ERBIN: variants seen among roughly 807,000 people sequenced by gnomAD.
ERBIN encodes densin-180-like protein.
In ERBIN, 60 loss-of-function variants were observed where a neutral mutation model predicts 158.4. That is an observed-to-expected ratio of 0.38 (90% CI 0.31 to 0.47). ERBIN has a LOEUF of 0.47. Among genes scored for constraint, ERBIN ranks in the 20% least tolerant of loss-of-function variants. ERBIN has a pLI of 0.99. For synonymous variants in ERBIN, 594 were observed against 557.2 expected (o/e 1.07, Z -0.93); for missense variants, 1,610 against 1,648.0 (o/e 0.98, Z 0.40).
At chr5:66,064,973 T>A (rs1760832412) in intron 21 of ERBIN, among the ~76,000 whole-genome samples, 1 of 152,228 alleles carries the variant, frequency 6.6e-6, no homozygotes, top group South Asian at 2.1e-4. Context: ...GTGCTGTGAT[T>A]ACAGATGTGA....
intron 24 of ERBIN, 104 bp from the exon 25 acceptor site, chr5:66,076,771 A>G (rs1762018020): frequency 2.5e-6 from 2 of 804,366 alleles, no homozygotes; most frequent in African/African-American, 1.8e-5. Flanking sequence ...GAAAACTTGT[A>G]CCATGATTCA....
chr5:65,969,472 A>G (rs1330997975), intron 1 of ERBIN, among the ~76,000 whole-genome samples: 1 of 152,222 alleles, frequency 6.6e-6, no homozygotes, highest in African/African-American at 2.4e-5. Flanking sequence ...GTTTTTTAAC[A>G]TAAAGAATCT....
chr5:65,944,307 A>G (rs1380007407), intron 1 of ERBIN, among the ~76,000 whole-genome samples: 1 of 149,314 alleles, frequency 6.7e-6, no homozygotes, highest in African/African-American at 2.5e-5. Context: ...CAGTTTCTCT[A>G]CATCCTCACC....
intron 4 of ERBIN, 24 bp downstream of exon 4, chr5:65,994,888 T>G (rs1377567096): frequency 7.1e-7 from 1 of 1,400,308 alleles, no homozygotes; most frequent in African/African-American, 1.4e-5. Context: ...TGCCCATAAT[T>G]TTTTGTACTT....
intron 1 of ERBIN, among the ~76,000 whole-genome samples, chr5:65,955,419 C>T (rs1343171864): frequency 6.6e-6 from 1 of 152,134 alleles, no homozygotes; most frequent in Non-Finnish European, 1.5e-5. Flanking sequence ...CACTTGAGGT[C>T]AGGAGTTCAA....
rs572563945 is a variant in ERBIN, at chr5:66,004,400, G to A, written c.308-7649G>A. ...TGTGCGTGTGTGTGTGCGCGCGCGT[G>A]CGTGTGTGTATGTGTGAGTTGAGAC... On this transcript the variant is annotated intron_variant, in intron 4 of 25. Coordinates refer to ENST00000284037, the MANE Select transcript of ERBIN (RefSeq NM_001253697.2). Among the ~76,000 whole-genome samples the A allele has an allele frequency of 9.9e-5, 15 of 150,898 alleles. No homozygotes were observed. The East Asian group carries it at 2.5e-3, about 25-fold the overall frequency.
At chr5:65,952,593 C>A (rs980744674) in intron 1 of ERBIN, among the ~76,000 whole-genome samples, 3 of 151,720 alleles carry the variant, frequency 2.0e-5, no homozygotes, top group African/African-American at 4.8e-5. Flanking sequence ...ACTGTTTAAA[C>A]TTTGAGATAC....
At chr5:65,956,107 G>A (rs1319639972) in intron 1 of ERBIN, among the ~76,000 whole-genome samples, 2 of 152,244 alleles carry the variant, frequency 1.3e-5, no homozygotes, top group East Asian at 3.9e-4. Flanking sequence ...CCACTGTATA[G>A]CAAGAAGAGT....
intron 14 of ERBIN, among the ~76,000 whole-genome samples, chr5:66,033,433 G>T (rs1231337376): frequency 1.3e-5 from 2 of 152,284 alleles, no homozygotes; most frequent in African/African-American, 4.8e-5. Flanking sequence ...CATAGAAGTA[G>T]AAGGAGAACT....
At chr5:65,940,472 T>G (rs1371857264) in intron 1 of ERBIN, among the ~76,000 whole-genome samples, 81 of 44,438 alleles carry the variant, frequency 1.8e-3, no homozygotes, top group Admixed American at 2.8e-3. Flanking sequence ...GGTGGGGGGG[T>G]CAGTCCCCCC....
intron 3 of ERBIN, among the ~76,000 whole-genome samples, chr5:65,993,576 G>C (rs1013012922): frequency 7.3e-5 from 11 of 151,590 alleles, no homozygotes; most frequent in Non-Finnish European, 1.2e-4. Context: ...TCCTATACCA[G>C]TTAAATTGCT....
At position 66,048,541 on chromosome 5, in the gene ERBIN, G is replaced by A. The variant is rs369718594; in HGVS notation, c.1789-126G>A. On this transcript the variant is annotated intron_variant, in intron 18 of 25. Coordinates refer to ENST00000284037, the MANE Select transcript of ERBIN (RefSeq NM_001253697.2). ...AAGGACTGGTTGTTATTTTATTGCC[G>A]TATCTTGAAAAGGTTTAATATGTGT... The A allele has an allele frequency of 3.3e-4, 204 of 627,332 alleles. 2 individuals carry two copies. Among genetic ancestry groups the A allele is most frequent in the South Asian group, 2.2e-3 (112 of 51,230 alleles). The allele number at this position is 627,332 out of a possible 1,614,324, so 38.9% of individuals were successfully genotyped here. A position where few individuals can be genotyped will look rare whatever the true frequency, so the allele number is the denominator to read the frequency against.
chr5:66,044,833 T>TAGGGATGG (rs1218666770), intron 17 of ERBIN, among the ~76,000 whole-genome samples: 107 of 151,926 alleles, frequency 7.0e-4, no homozygotes, highest in African/African-American at 2.6e-3. Flanking sequence ...TCCCAGCACT[T>TAGGGATGG]TGGGAGGCCG....
intron 2 of ERBIN, among the ~76,000 whole-genome samples, chr5:65,990,541 G>T (rs749663617): frequency 7.1e-5 from 10 of 139,906 alleles, no homozygotes; most frequent in Non-Finnish European, 7.4e-5. Context: ...ATGGTGGCGG[G>T]CAGCTACTCG....
At position 66,050,943 on chromosome 5, in the gene ERBIN, T is replaced by C. The variant is rs1561426632; in HGVS notation, c.2064T>C (p.His688=). The C allele has an allele frequency of 1.2e-6, 2 of 1,603,648 alleles. No individual in the cohort carries two copies. The highest frequency in any genetic ancestry group is 1.7e-6 in the Non-Finnish European group (2 of 1,177,192). Residue 688 remains histidine, a synonymous_variant, in exon 20 of 26, where the codon CAT becomes CAC. Transcript: ENST00000284037. Reference sequence around the variant, plus strand: ...TCTGCTCTCCAGTGAAACAAACTCATATTGATATTAATTCCAAAATCAGGT... The same window carrying C: ...TCTGCTCTCCAGTGAAACAAACTCACATTGATATTAATTCCAAAATCAGGT... The part of the protein sequence containing the change: ...TSLCSPVKQT[H]IDINSKIRQE...
At chr5:65,974,362 A>G (rs1409843240) in intron 1 of ERBIN, among the ~76,000 whole-genome samples, 1 of 152,234 alleles carries the variant, frequency 6.6e-6, no homozygotes, top group African/African-American at 2.4e-5. Context: ...TTTGATTATT[A>G]GAAAGCAAGC....
At chr5:65,992,608 T>G (rs1580279148) in intron 2 of ERBIN, 102 bp from the exon 3 acceptor site, 2 of 792,352 alleles carry the variant, frequency 2.5e-6, no homozygotes, top group African/African-American at 1.8e-5. Context: ...GCAGGAGAAG[T>G]GTTTATCTGT....
At chr5:65,934,382 T>C (rs895749365) in intron 1 of ERBIN, among the ~76,000 whole-genome samples, 3 of 152,232 alleles carry the variant, frequency 2.0e-5, no homozygotes, top group African/African-American at 7.2e-5. Flanking sequence ...TACATTTTGT[T>C]GTCATCTCTT....
intron 1 of ERBIN, among the ~76,000 whole-genome samples, chr5:65,931,108 T>C (rs1208753351): frequency 6.6e-6 from 1 of 152,264 alleles, no homozygotes; most frequent in Non-Finnish European, 1.5e-5. Context: ...TTATTTATTA[T>C]AGCTTTAAAA....
Sources: gnomAD v4.1 joint callset for allele counts (sites outside exome capture counted in the v4.1 genomes callset) on GRCh38, gnomAD v4.1.1 for gene constraint, MANE v1.5 for transcripts, NCBI Gene and HGNC (gene_info 2026-07-23, HGNC 2026-07-21) for gene names.